The following CCSER1 variants were observed in gnomAD, a reference collection of about 807,000 sequenced individuals.
CCSER1 encodes coiled-coil serine rich protein 1, also known as serine-rich coiled-coil domain-containing protein 1.
CCSER1 carries 41 observed loss-of-function variants against 82.0 expected under a neutral mutation model. That is an observed-to-expected ratio of 0.50 (90% CI 0.39 to 0.65). The LOEUF is 0.65. CCSER1 is among the 30% of genes least tolerant of loss of function. The pLI, the probability that CCSER1 is intolerant of heterozygous loss-of-function variation, is 0.00. For synonymous variants in CCSER1, 414 were observed against 383.9 expected (o/e 1.08, Z -0.92); for missense variants, 1,119 against 1,064.2 (o/e 1.05, Z -0.72).
chr4:90,648,001 G>A (rs916115836), intron 6 of CCSER1, among the ~76,000 whole-genome samples: 3 of 151,978 alleles, frequency 2.0e-5, no homozygotes, highest in African/African-American at 4.8e-5. Context: ...TAATTTATAC[G>A]ATATTTTAAT....
At chr4:90,887,064 T>A (rs1052199451) in intron 8 of CCSER1, among the ~76,000 whole-genome samples, 1 of 152,078 alleles carries the variant, frequency 6.6e-6, no homozygotes, top group Non-Finnish European at 1.5e-5. Flanking sequence ...AATGATGAAG[T>A]ATATAAAACC....
rs78770174 is a variant in CCSER1, at chr4:90,169,676, C to G, written c.-42+41845C>G. ...AAATGCATTCATTTTAAAGGTCTCT[C>G]TGTACCACAAAAACGGTTTTATTGT... On this transcript the variant is annotated intron_variant, in intron 1 of 10. Transcript: ENST00000509176. Among the ~76,000 whole-genome samples, 735 of 152,156 alleles carry G rather than the reference C, an allele frequency of 4.8e-3. 8 individuals are homozygous for G. The highest frequency in any genetic ancestry group is 0.017 in the African/African-American group (693 of 41,534).
intron 3 of CCSER1, among the ~76,000 whole-genome samples, chr4:90,348,135 G>T (rs1742743274): frequency 6.6e-6 from 1 of 152,070 alleles, no homozygotes; most frequent in African/African-American, 2.4e-5. Context: ...GGTGGGAGGA[G>T]GGAGAAGATC....
intron 10 of CCSER1, among the ~76,000 whole-genome samples, chr4:91,157,642 G>A (rs957093963): frequency 2.0e-5 from 3 of 151,934 alleles, no homozygotes; most frequent in Admixed American, 2.0e-4. Flanking sequence ...TAATGCCAGG[G>A]ACAGCACTTA....
intron 10 of CCSER1, among the ~76,000 whole-genome samples, chr4:91,190,155 T>C (rs1734882126): frequency 6.6e-6 from 1 of 152,248 alleles, no homozygotes; most frequent in Non-Finnish European, 1.5e-5. Flanking sequence ...ATGTAGAACA[T>C]GTTTCCCTCA....
intron 3 of CCSER1, among the ~76,000 whole-genome samples, chr4:90,349,244 G>T (rs1350209403): frequency 6.6e-6 from 1 of 152,058 alleles, no homozygotes; most frequent in Non-Finnish European, 1.5e-5. Context: ...TCCTGAACTT[G>T]TATTTATTCA....
chr4:91,354,686 G>A (rs1019761976), intron 10 of CCSER1, among the ~76,000 whole-genome samples: 3 of 152,176 alleles, frequency 2.0e-5, no homozygotes, highest in Non-Finnish European at 4.4e-5. Context: ...ATATGTCAGG[G>A]TGGTTCTTTT....
intron 8 of CCSER1, among the ~76,000 whole-genome samples, chr4:90,870,035 G>A (rs1766250896): frequency 6.6e-6 from 1 of 151,818 alleles, no homozygotes; most frequent in African/African-American, 2.4e-5. Context: ...ACAGATTCTT[G>A]TATGTTGATT....
At chr4:90,179,988 A>G (rs1341701049) in intron 1 of CCSER1, among the ~76,000 whole-genome samples, 1 of 152,074 alleles carries the variant, frequency 6.6e-6, no homozygotes, top group East Asian at 1.9e-4. Context: ...CTAATGTATG[A>G]TAGGACAGAA....
At chr4:90,994,677 A>T (rs2150457197) in intron 9 of CCSER1, among the ~76,000 whole-genome samples, 1 of 152,300 alleles carries the variant, frequency 6.6e-6, no homozygotes, top group South Asian at 2.1e-4. Flanking sequence ...GATTGAAACT[A>T]AGTCTGCCTA....
At chr4:91,344,382 A>G (rs1360647569) in intron 10 of CCSER1, among the ~76,000 whole-genome samples, 6 of 152,208 alleles carry the variant, frequency 3.9e-5, no homozygotes, top group Admixed American at 1.3e-4. Flanking sequence ...CTTCGGCATA[A>G]TAATTATAAC....
chr4:91,458,723 A>T (rs916023527), intron 10 of CCSER1, among the ~76,000 whole-genome samples: 17 of 152,040 alleles, frequency 1.1e-4, no homozygotes, highest in African/African-American at 4.1e-4. Flanking sequence ...TAGATCTTGC[A>T]CTTATTTGCT....
intron 5 of CCSER1, among the ~76,000 whole-genome samples, chr4:90,594,470 CA>C (rs1783076365): frequency 6.6e-6 from 1 of 152,096 alleles, no homozygotes; most frequent in Non-Finnish European, 1.5e-5. Context: ...CTGTACCCAA[CA>C]TAAGTATGGA....
intron 5 of CCSER1, among the ~76,000 whole-genome samples, chr4:90,537,861 G>A (rs938974539): frequency 2.0e-5 from 3 of 152,084 alleles, no homozygotes; most frequent in Non-Finnish European, 2.9e-5. Context: ...TATCTTGCAA[G>A]ACCCTAAATT....
chr4:90,448,223 C>A (rs998897233), intron 4 of CCSER1, among the ~76,000 whole-genome samples: 11 of 151,690 alleles, frequency 7.3e-5, no homozygotes, highest in African/African-American at 2.7e-4. Flanking sequence ...CCTTGTCATA[C>A]ATGTTTTCTT....
chr4:90,409,018 G>A (rs1754219813), intron 4 of CCSER1, among the ~76,000 whole-genome samples: 3 of 152,186 alleles, frequency 2.0e-5, no homozygotes, highest in Admixed American at 6.5e-5. Flanking sequence ...TCAACTGGAA[G>A]AAAGGGTATC....
Position 91,085,129 on chromosome 4 carries a change from AT to A in CCSER1, c.2173-819del, listed in dbSNP as rs1365023888. 3.3e-5 allele frequency among the ~76,000 whole-genome samples: 5 copies of A among 151,726 alleles called. No homozygotes were observed. The East Asian group carries it at 9.7e-4, about 29-fold the overall frequency. The stretch of plus-strand genomic sequence containing the variant: ...ACACTTTTTTTTTTTTACCTTATAC[AT>A]TGATAGTGCAATGTATGTGATAAAT... On this transcript the variant is annotated intron_variant, in intron 9 of 10. Coordinates refer to ENST00000509176, the MANE Select transcript of CCSER1 (RefSeq NM_001145065.2).
intron 10 of CCSER1, among the ~76,000 whole-genome samples, chr4:91,093,807 G>A (rs1025084345): frequency 6.6e-6 from 1 of 152,156 alleles, no homozygotes; most frequent in Non-Finnish European, 1.5e-5. Context: ...TGTTGCAGAG[G>A]TCCCCATTCA....
chr4:90,754,360 T>TG (rs1340480202), intron 7 of CCSER1, among the ~76,000 whole-genome samples: 1 of 152,180 alleles, frequency 6.6e-6, no homozygotes, highest in Non-Finnish European at 1.5e-5. Context: ...AGTGTGTATG[T>TG]GTGAGCATAT....
Sources: gnomAD v4.1 joint callset for allele counts (sites outside exome capture counted in the v4.1 genomes callset) on GRCh38, gnomAD v4.1.1 for gene constraint, MANE v1.5 for transcripts, NCBI Gene and HGNC (gene_info 2026-07-23, HGNC 2026-07-21) for gene names.